The following HMCES variants were observed in gnomAD, a reference collection of about 807,000 sequenced individuals.
The protein encoded by HMCES is 5-hydroxymethylcytosine binding, ES cell specific, also known as abasic site processing protein HMCES.
Under a neutral mutation model 35.1 loss-of-function variants are expected in HMCES, and 27 were observed. That is an observed-to-expected ratio of 0.77 (90% confidence interval 0.57 to 1.06). The LOEUF (loss-of-function observed/expected upper bound fraction) is 1.06. Among genes scored for constraint, HMCES ranks in the 50% least tolerant of loss-of-function variants. The pLI is 0.00. For synonymous variants in HMCES, 130 were observed against 154.7 expected (o/e 0.84, Z 1.18); for missense variants, 391 against 430.4 (o/e 0.91, Z 0.81).
chr3:129,301,599 G>C (rs1194704303), intron 5 of HMCES, among the ~76,000 whole-genome samples: 1 of 152,202 alleles, frequency 6.6e-6, no homozygotes, highest in East Asian at 1.9e-4. Flanking sequence ...GGTGAGGCTT[G>C]AGATTGCTGT....
intron 5 of HMCES, among the ~76,000 whole-genome samples, chr3:129,300,286 A>G (rs2071147462): frequency 6.6e-6 from 1 of 151,986 alleles, no homozygotes; most frequent in Non-Finnish European, 1.5e-5. Flanking sequence ...AGATGGGTGC[A>G]TTTTGTGGCT....
chr3:129,302,109 G>A lies in HMCES; in HGVS notation c.795G>A (p.Glu265=). 1 of 1,613,942 alleles carries A rather than the reference G, an allele frequency of 6.2e-7. No homozygotes were observed. The highest frequency in any genetic ancestry group is 1.1e-5 in the South Asian group (1 of 91,020). Reference sequence around the variant, plus strand: ...ACAACTCGCGAAACAACACTCCTGAGTGTCTGGCTCCTGTCGACTTGGTGG... The same window carrying A: ...ACAACTCGCGAAACAACACTCCTGAATGTCTGGCTCCTGTCGACTTGGTGG... ...VVNNSRNNTP[E]CLAPVDLVVK... Residue 265 remains glutamate (E), a synonymous_variant, in exon 6 of 7, where the codon GAG becomes GAA. Transcript: ENST00000383463.
chr3:129,290,720 T>A lies in HMCES; in HGVS notation c.369T>A (p.Asp123Glu). Residue 123 changes from aspartate to glutamate, a missense_variant, in exon 4 of 7, where the codon GAT becomes GAA. By Grantham distance (45) the Asp-to-Glu change is conservative (BLOSUM62 2). Transcript: ENST00000383463. ...GKGRRCVVLA[D>E]GFYEWQRCQG... is the part of the protein sequence containing the mutation. ...GAAGACGCTGTGTCGTTTTAGCAGA[T>A]GGATTCTATGAGTGGCAGCGATGTC... The A allele has an allele frequency of 1.9e-6, 3 of 1,613,674 alleles. No individual in the cohort carries two copies. The highest frequency in any genetic ancestry group is 2.5e-6 in the Non-Finnish European group (3 of 1,179,642).
Position 129,279,728 on chromosome 3 carries a change from G to A in HMCES, c.-5G>A. On this transcript the variant is annotated 5_prime_UTR_variant, in exon 2 of 7. Transcript: ENST00000383463. The surrounding 1 kb of genome is among the most constrained non-coding windows in gnomAD (Gnocchi z 4.2). ...TTTAAAGGTTGCGAGGGGCGGTGTT[G>A]AAGAATGTGTGGGCGAACATCCTGT... The A allele has an allele frequency of 6.2e-7, 1 of 1,612,800 alleles. No homozygotes were observed. Among genetic ancestry groups the A allele is most frequent in the Non-Finnish European group, 8.5e-7 (1 of 1,179,544 alleles).
Position 129,289,006 on chromosome 3 carries a change from C to T in HMCES, c.327+9C>T. The T allele has an allele frequency of 6.5e-7, 1 of 1,543,236 alleles. No individual in the cohort carries two copies. Among genetic ancestry groups the T allele is most frequent in the Non-Finnish European group, 8.9e-7 (1 of 1,127,668 alleles). ...AGAAACGGTCATTTAAGGTAGGTGG[C>T]TGGTAGCTATTAGTGCCCCGTATAC... On this transcript the variant is annotated intron_variant, in intron 3 of 6. Coordinates refer to ENST00000383463, the MANE Select transcript of HMCES (RefSeq NM_020187.3).
chr3:129,288,556 A>AT (rs1206657858), intron 2 of HMCES, among the ~76,000 whole-genome samples: 1 of 133,280 alleles, frequency 7.5e-6, no homozygotes, highest in African/African-American at 3.8e-5. Flanking sequence ...TTAGCTGGGT[A>AT]TGGGGGGGCG....
intron 2 of HMCES, among the ~76,000 whole-genome samples, chr3:129,283,405 C>T (rs1184239137): frequency 1.3e-5 from 2 of 150,456 alleles, no homozygotes; most frequent in Non-Finnish European, 2.9e-5. Context: ...AATCATGGCT[C>T]ACTACAACCT....
In HMCES at chr3:129,288,992, T is replaced by G. The variant is rs765721619; in HGVS notation, c.322T>G (p.Phe108Val). The change falls in exon 3 of 7, where the codon TTT becomes GTT. Residue 108 changes from phenylalanine (F) to valine (V), a missense_variant. By Grantham distance (50) the Phe-to-Val change is conservative (BLOSUM62 -1). Coordinates refer to ENST00000383463, the MANE Select transcript of HMCES (RefSeq NM_020187.3). ...RSDTVMEKRS[F>V]KVPLGKGRRC... is the part of the protein sequence containing the mutation. ...TGATACCGTAATGGAGAAACGGTCA[T>G]TTAAGGTAGGTGGCTGGTAGCTATT... The G allele has an allele frequency of 1.4e-5, 22 of 1,558,212 alleles. No homozygotes were observed. The South Asian group carries it at 2.3e-4, about 16-fold the overall frequency.
intron 5 of HMCES, among the ~76,000 whole-genome samples, 197 bp from the exon 6 acceptor site, chr3:129,301,753 T>C (rs1289211557): frequency 2.0e-5 from 3 of 152,212 alleles, no homozygotes; most frequent in Non-Finnish European, 4.4e-5. Context: ...CTTTATAACA[T>C]GGCTCTCCAG....
intron 2 of HMCES, 102 bp downstream of exon 2, chr3:129,280,017 C>A: frequency 9.9e-7 from 1 of 1,005,620 alleles, no homozygotes; most frequent in Non-Finnish European, 1.4e-6. Flanking sequence ...CATTAAAAAC[C>A]AGCCTTTACT....
chr3:129,302,583 C>T (rs528887102), intron 6 of HMCES, among the ~76,000 whole-genome samples: 88 of 152,158 alleles, frequency 5.8e-4, no homozygotes, highest in African/African-American at 2.0e-3. Flanking sequence ...TGTGGTGGCC[C>T]GTCCCAAGTA....
rs1560075051 is a variant in HMCES, at chr3:129,290,771, C to G, written c.420C>G (p.Tyr140Ter). Residue 140 changes from tyrosine (Y) to a stop codon, truncating the protein, a stop_gained, in exon 4 of 7, where the codon TAC becomes TAG. Transcript: ENST00000383463. LOFTEE classifies it high-confidence loss of function. ...AGGGAACAAACCAGAGGCAGCCATA[C>G]TTCATCTATTTTCCTCAAATCAAGA... Reference protein sequence around the residue: ...RCQGTNQRQPYFIYFPQIKTE... With the variant: ...RCQGTNQRQP 6.2e-7 allele frequency: 1 copy of G among 1,613,350 alleles called. No homozygotes were observed. Among genetic ancestry groups the G allele is most frequent in the Non-Finnish European group, 8.5e-7 (1 of 1,179,406 alleles).
At chr3:129,297,812 A>T (rs1255304802) in intron 4 of HMCES, among the ~76,000 whole-genome samples, 1 of 152,078 alleles carries the variant, frequency 6.6e-6, no homozygotes, top group Non-Finnish European at 1.5e-5. Flanking sequence ...TACCTCTCTG[A>T]TGAGTTTAAG....
chr3:129,298,239 G>A, intron 4 of HMCES, 115 bp from the exon 5 acceptor site: 1 of 922,300 alleles, frequency 1.1e-6, no homozygotes, highest in Non-Finnish European at 1.7e-6. Flanking sequence ...AATAAGACGT[G>A]GGCTGAATTA....
At chr3:129,281,683 T>TC (rs1222454795) in intron 2 of HMCES, among the ~76,000 whole-genome samples, 2 of 151,264 alleles carry the variant, frequency 1.3e-5, no homozygotes, top group East Asian at 3.9e-4. Flanking sequence ...AGAGTGAGAC[T>TC]CCATCTCAAA....
intron 2 of HMCES, among the ~76,000 whole-genome samples, chr3:129,288,582 A>G (rs961201198): frequency 2.6e-5 from 4 of 151,634 alleles, no homozygotes; most frequent in Non-Finnish European, 5.9e-5. Context: ...CTATAGTCCC[A>G]GCTACTTGGG....
intron 4 of HMCES, among the ~76,000 whole-genome samples, chr3:129,296,974 G>A (rs1388029699): frequency 3.3e-5 from 5 of 152,022 alleles, no homozygotes; most frequent in African/African-American, 9.7e-5. Context: ...TCCTGACCTC[G>A]TGATCCGCCT....
chr3:129,285,083 C>A (rs927077571), intron 2 of HMCES, among the ~76,000 whole-genome samples: 19 of 152,134 alleles, frequency 1.2e-4, no homozygotes, highest in African/African-American at 4.6e-4. Context: ...TGACTTTCTT[C>A]GTTCTACTTT....
rs181775780 is a variant in HMCES, at chr3:129,299,248, A to G, written c.635+713A>G. Among the ~76,000 whole-genome samples, 791 of 152,316 alleles carry G rather than the reference A, an allele frequency of 5.2e-3. 4 individuals are homozygous for G. Among genetic ancestry groups the G allele is most frequent in the South Asian group, 0.02 (96 of 4,828 alleles). On this transcript the variant is annotated intron_variant, in intron 5 of 6. Transcript: ENST00000383463. ...CTTGTGGAAGTGAGTGTTGGAAGAA[A>G]TGCATCTCATGAGTTATTGTGAAGT...
Sources: allele counts gnomAD v4.1 joint callset (sites outside exome capture counted in the v4.1 genomes callset), GRCh38; gene constraint gnomAD v4.1.1; non-coding constraint Gnocchi (gnomAD v3.1); transcripts MANE v1.5; gene names NCBI Gene and HGNC (gene_info 2026-07-23, HGNC 2026-07-21).